Variants in NCOA1 observed in about 807,000 individuals in gnomAD.
NCOA1 encodes the protein nuclear receptor coactivator 1.
In NCOA1, 35 loss-of-function variants were observed where a neutral mutation model predicts 150.9. The observed-to-expected ratio is 0.23, with a 90% CI of 0.18 to 0.31. NCOA1 has a LOEUF of 0.31. Among genes scored for constraint, NCOA1 ranks in the 10% least tolerant of loss-of-function variants. The probability of loss-of-function intolerance (pLI) is 1.00; values close to 1 mark genes in which losing one functional copy is unlikely to be tolerated. For synonymous variants in NCOA1, 590 were observed against 630.0 expected, an observed-to-expected ratio of 0.94 and a Z score of 0.95; for missense variants, 1,491 against 1,749.3, an observed-to-expected ratio of 0.85 and a Z score of 2.63.
chr2:24,768,839 T>C lies in NCOA1; in HGVS notation c.*448T>C. On this transcript the variant is annotated 3_prime_UTR_variant, in exon 23 of 23. Coordinates refer to ENST00000348332, the MANE Select transcript of NCOA1 (RefSeq NM_003743.5). Reference sequence around the variant, plus strand: ...GCCTGTGCCCGTCCACCAAAGGCTGTCATGTGTCTCGAAATCAGCAGCCCT... The same window carrying C: ...GCCTGTGCCCGTCCACCAAAGGCTGCCATGTGTCTCGAAATCAGCAGCCCT... 1 of 224,704 alleles carries C rather than the reference T, an allele frequency of 4.5e-6. No individual in the cohort carries two copies. Among genetic ancestry groups the C allele is most frequent in the Non-Finnish European group, 8.9e-6 (1 of 112,426 alleles). 13.9% of individuals were successfully genotyped at this position (224,704 alleles called of 1,614,324 possible).
intron 1 of NCOA1, among the ~76,000 whole-genome samples, chr2:24,541,244 T>C (rs1203354629): frequency 6.6e-6 from 1 of 152,122 alleles, no homozygotes; most frequent in East Asian, 1.9e-4. Flanking sequence ...GTTTGAGAGC[T>C]ACGTTGAAGA....
chr2:24,669,769 T>C (rs1254853563), intron 6 of NCOA1, among the ~76,000 whole-genome samples: 1 of 152,154 alleles, frequency 6.6e-6, no homozygotes, highest in Non-Finnish European at 1.5e-5. Flanking sequence ...AGATGCCCAA[T>C]ATCATTAGCC....
chr2:24,719,666 A>G (rs1412106489), intron 14 of NCOA1, among the ~76,000 whole-genome samples: 3 of 152,140 alleles, frequency 2.0e-5, no homozygotes, highest in African/African-American at 4.8e-5. Flanking sequence ...ACCAAAAGAG[A>G]CGGAGGAAGC....
chr2:24,594,133 A>C (rs1667784329), intron 3 of NCOA1, among the ~76,000 whole-genome samples: 1 of 152,148 alleles, frequency 6.6e-6, no homozygotes, highest in Non-Finnish European at 1.5e-5. Context: ...TAAGTATAAT[A>C]ATTTATAAGT....
intron 1 of NCOA1, among the ~76,000 whole-genome samples, chr2:24,506,854 A>G (rs185723784): frequency 6.6e-6 from 1 of 152,364 alleles, no homozygotes; most frequent in African/African-American, 2.4e-5. Context: ...CCAGGCCAGA[A>G]TACCAGAGAG....
At chr2:24,554,638 C>G (rs1005463240) in intron 1 of NCOA1, 3 of 152,308 alleles carry the variant, frequency 2.0e-5, no homozygotes, top group Non-Finnish European at 4.4e-5. Flanking sequence ...GCTCCAGAAC[C>G]TCTTCCAGCC....
rs1668991239 is a variant in NCOA1, at chr2:24,618,804, A to AT, written c.-174-25158dup. Among the ~76,000 whole-genome samples the AT allele has an allele frequency of 3.9e-5, 6 of 152,144 alleles. No individual in the cohort carries two copies. The South Asian group carries it at 1.2e-3, about 32-fold the overall frequency. Reference sequence around the variant, plus strand: ...ATAGGCAAATAATGAAAATCCATCCATTTTAGTGCCAGTTATTCTATCAGC... The same window carrying AT: ...ATAGGCAAATAATGAAAATCCATCCATTTTTAGTGCCAGTTATTCTATCAGC... On this transcript the variant is annotated intron_variant, in intron 3 of 22. Transcript: ENST00000348332.
At chr2:24,764,917 T>A (rs1558350238) in intron 22 of NCOA1, among the ~76,000 whole-genome samples, 2 of 152,096 alleles carry the variant, frequency 1.3e-5, no homozygotes. Context: ...CATTTTGGCT[T>A]ACACCTGTAA....
intron 3 of NCOA1, among the ~76,000 whole-genome samples, chr2:24,588,594 GA>G: frequency 6.6e-6 from 1 of 152,282 alleles, no homozygotes; most frequent in Middle Eastern, 3.4e-3. Context: ...TTAGACTCAT[GA>G]TAAATGCTGT....
intron 22 of NCOA1, among the ~76,000 whole-genome samples, chr2:24,763,835 C>A (rs368187282): frequency 1.3e-5 from 2 of 151,618 alleles, no homozygotes; most frequent in East Asian, 3.9e-4. Context: ...TTGACCAGGC[C>A]GGTCTCGAAC....
chr2:24,497,990 A>T (rs1663296750), intron 1 of NCOA1, among the ~76,000 whole-genome samples: 1 of 152,172 alleles, frequency 6.6e-6, no homozygotes, highest in Non-Finnish European at 1.5e-5. Flanking sequence ...TCAAGCATAG[A>T]TTTGATTATT....
intron 22 of NCOA1, among the ~76,000 whole-genome samples, chr2:24,765,303 A>G (rs1325676217): frequency 6.6e-6 from 1 of 151,476 alleles, no homozygotes; most frequent in African/African-American, 2.4e-5. Flanking sequence ...GGAGATCAAG[A>G]CCATCCTGGC....
At chr2:24,744,906 G>C (rs747490004) in intron 19 of NCOA1, among the ~76,000 whole-genome samples, 11 of 152,192 alleles carry the variant, frequency 7.2e-5, no homozygotes, top group Non-Finnish European at 1.5e-4. Context: ...TGCAGAAGAA[G>C]CTTGCTGATT....
intron 1 of NCOA1, among the ~76,000 whole-genome samples, chr2:24,493,842 C>G (rs1247928063): frequency 6.6e-6 from 1 of 152,196 alleles, no homozygotes; most frequent in Non-Finnish European, 1.5e-5. Context: ...TGTAAAGACA[C>G]TGCTACTACT....
rs924332653 is a variant in NCOA1, at chr2:24,593,706, G to A, written c.-175+9146G>A. On this transcript the variant is annotated intron_variant, in intron 3 of 22. Transcript: ENST00000348332. ...TAAGTCCCTTACAAGTTATATGCCT[G>A]GTGTCACAAAAGCAGGTTAGTGGCA... 3.9e-5 allele frequency among the ~76,000 whole-genome samples: 6 copies of A among 152,200 alleles called. No individual in the cohort carries two copies. In the East Asian group the frequency reaches 1.2e-3, roughly 29 times the overall value.
chr2:24,636,687 TGAAC>T (rs908693780), intron 3 of NCOA1, among the ~76,000 whole-genome samples: 4 of 152,088 alleles, frequency 2.6e-5, no homozygotes, highest in African/African-American at 9.7e-5. Flanking sequence ...ATTCTTGACT[TGAAC>T]GCAGTATTAT....
intron 3 of NCOA1, among the ~76,000 whole-genome samples, chr2:24,617,234 G>T (rs1407640059): frequency 1.3e-5 from 2 of 151,938 alleles, no homozygotes; most frequent in Non-Finnish European, 2.9e-5. Context: ...GCCTAATTGG[G>T]GTTTAAATTT....
At chr2:24,523,486 G>A (rs1418414115) in intron 1 of NCOA1, among the ~76,000 whole-genome samples, 3 of 150,808 alleles carry the variant, frequency 2.0e-5, no homozygotes, top group African/African-American at 7.3e-5. Flanking sequence ...GGTGCCTGTA[G>A]TTCCAGCTAC....
chr2:24,743,936 T>C (rs1663747724), intron 19 of NCOA1, among the ~76,000 whole-genome samples: 1 of 152,226 alleles, frequency 6.6e-6, no homozygotes, highest in Non-Finnish European at 1.5e-5. Context: ...TTTTCAGGCA[T>C]GTACTTTTAA....
Sources: gnomAD v4.1 joint callset for allele counts (sites outside exome capture counted in the v4.1 genomes callset) on GRCh38, gnomAD v4.1.1 for gene constraint, MANE v1.5 for transcripts, NCBI Gene and HGNC (gene_info 2026-07-23, HGNC 2026-07-21) for gene names.